The following ARHGAP28 variants were observed in gnomAD, a reference collection of about 807,000 sequenced individuals.
ARHGAP28 encodes the protein Rho GTPase activating protein 28, also known as rho GTPase-activating protein 28.
A neutral mutation model predicts 90.7 loss-of-function variants in ARHGAP28; 56 were observed. The observed-to-expected ratio is 0.62, with a 90% CI of 0.50 to 0.77. The LOEUF (loss-of-function observed/expected upper bound fraction) is 0.77, where lower values mean the gene tolerates loss of function less well. Ranked by LOEUF, ARHGAP28 falls within the 30% of genes least tolerant of loss-of-function variation. The pLI, the probability that ARHGAP28 is intolerant of heterozygous loss-of-function variation, is 0.00. For missense variants in ARHGAP28, 869 were observed against 900.9 expected (o/e 0.96, Z 0.45); for synonymous variants, 308 against 323.3 (o/e 0.95, Z 0.51).
At chr18:6,831,170 C>T (rs566014386) in intron 2 of ARHGAP28, among the ~76,000 whole-genome samples, 46 of 152,170 alleles carry the variant, frequency 3.0e-4, no homozygotes, top group African/African-American at 9.4e-4. Flanking sequence ...AATTACATTT[C>T]GCTGATGACT....
At chr18:6,771,236 A>G (rs577251938) in intron 1 of ARHGAP28, among the ~76,000 whole-genome samples, 1 of 152,042 alleles carries the variant, frequency 6.6e-6, no homozygotes, top group African/African-American at 2.4e-5. Flanking sequence ...TGAGTGGGGT[A>G]TCTCACTATG....
At chr18:6,825,365 TAGAG>T (rs1254485446) in intron 2 of ARHGAP28, among the ~76,000 whole-genome samples, 1 of 152,162 alleles carries the variant, frequency 6.6e-6, no homozygotes, top group Non-Finnish European at 1.5e-5. Flanking sequence ...TACTATTAAC[TAGAG>T]AGAGAGAAAT....
intron 1 of ARHGAP28, among the ~76,000 whole-genome samples, chr18:6,740,649 T>C (rs561241501): frequency 1.3e-5 from 2 of 152,320 alleles, no homozygotes; most frequent in Admixed American, 1.3e-4. Flanking sequence ...TTTCATTATA[T>C]GATAAATGGT....
chr18:6,779,162 G>A (rs2056305926), intron 1 of ARHGAP28: 1 of 152,088 alleles, frequency 6.6e-6, no homozygotes, highest in Non-Finnish European at 1.5e-5. Context: ...CCTTTTCATA[G>A]GCCATTATAC....
chr18:6,830,112 A>T (rs1356929955), intron 2 of ARHGAP28, among the ~76,000 whole-genome samples: 1 of 152,136 alleles, frequency 6.6e-6, no homozygotes, highest in African/African-American at 2.4e-5. Flanking sequence ...TGTTGGATTA[A>T]GGGCCCACCC....
chr18:6,881,494 A>G (rs1045824315), intron 10 of ARHGAP28, among the ~76,000 whole-genome samples: 1 of 152,242 alleles, frequency 6.6e-6, no homozygotes, highest in Non-Finnish European at 1.5e-5. Flanking sequence ...TTAGCCAAGT[A>G]GAACTTACGG....
intron 1 of ARHGAP28, among the ~76,000 whole-genome samples, chr18:6,797,183 A>C (rs143850784): frequency 4.2e-4 from 64 of 152,214 alleles, no homozygotes; most frequent in African/African-American, 1.5e-3. Flanking sequence ...ATTTGTGAAG[A>C]GGTGTGTTTT....
chr18:6,833,647 C>T (rs1043060644), intron 2 of ARHGAP28, among the ~76,000 whole-genome samples: 2 of 152,128 alleles, frequency 1.3e-5, no homozygotes, highest in South Asian at 2.1e-4. Flanking sequence ...CTTCTCATGG[C>T]ATCCTGTCAG....
At chr18:6,874,982 T>C (rs559203778) in intron 9 of ARHGAP28, 2 of 152,336 alleles carry the variant, frequency 1.3e-5, no homozygotes, top group South Asian at 4.1e-4. Context: ...AAAGGAGCAG[T>C]AGCAAAATCC....
intron 11 of ARHGAP28, among the ~76,000 whole-genome samples, chr18:6,884,543 G>T (rs1010507299): frequency 6.6e-6 from 1 of 152,186 alleles, no homozygotes; most frequent in Non-Finnish European, 1.5e-5. Flanking sequence ...TATGGATTCT[G>T]AAGTATTTCT....
intron 5 of ARHGAP28, among the ~76,000 whole-genome samples, chr18:6,865,690 C>G (rs566427131): frequency 1.2e-4 from 19 of 152,118 alleles, no homozygotes; most frequent in Non-Finnish European, 2.4e-4. Context: ...GGAGGACATA[C>G]CAGATAACTT....
At chr18:6,738,410 G>A (rs1376283118) in intron 1 of ARHGAP28, among the ~76,000 whole-genome samples, 1 of 151,664 alleles carries the variant, frequency 6.6e-6, no homozygotes, top group Non-Finnish European at 1.5e-5. Flanking sequence ...TAATGTACAG[G>A]GAAAAGAATC....
chr18:6,841,182 T>TCTCTCCTCTCTCTCTCTC, intron 3 of ARHGAP28, among the ~76,000 whole-genome samples: 1 of 44,234 alleles, frequency 2.3e-5, no homozygotes, highest in Non-Finnish European at 4.1e-5. Context: ...CTCTCTCTCC[T>TCTCTCCTCTCTCTCTCTC]CTCTCTCTCT....
At chr18:6,791,354 C>T (rs62082805) in intron 1 of ARHGAP28, 19,854 of 152,128 alleles carry the variant, frequency 0.13, 1,389 homozygotes, top group Non-Finnish European at 0.15. Context: ...CTTCCCCAGC[C>T]CACTGACTCA....
In ARHGAP28 at chr18:6,896,605, C is replaced by A. The variant is rs2057306671; in HGVS notation, c.2009C>A (p.Ala670Glu). ...NNQTKAKDIL[A>E]KFQYENSHGS... ...CAAACCAAAGCCAAAGACATATTGG[C>A]AAAATTTCAATATGAAAACAGGTGA... Residue 670 changes from alanine (A) to glutamate (E), a missense_variant, in exon 16 of 18, where the codon GCA becomes GAA. Coordinates refer to ENST00000383472, the MANE Select transcript of ARHGAP28 (RefSeq NM_001366230.1). 1 of 1,613,864 alleles carries A rather than the reference C, an allele frequency of 6.2e-7. No homozygotes were observed.
intron 15 of ARHGAP28, among the ~76,000 whole-genome samples, chr18:6,895,507 C>G (rs1275449655): frequency 1.3e-5 from 2 of 152,226 alleles, no homozygotes; most frequent in Admixed American, 6.5e-5. Context: ...GCAAGCTTGG[C>G]GCCTTCTGAA....
At chr18:6,793,601 T>A (rs986532926) in intron 1 of ARHGAP28, among the ~76,000 whole-genome samples, 11 of 152,296 alleles carry the variant, frequency 7.2e-5, no homozygotes, top group Middle Eastern at 3.4e-3. Context: ...CCCTTTTCCC[T>A]CCACCTTCAT....
chr18:6,884,937 CCTGA>C (rs952926863), intron 11 of ARHGAP28, among the ~76,000 whole-genome samples: 139 of 152,228 alleles, frequency 9.1e-4, no homozygotes, highest in African/African-American at 3.2e-3. Context: ...CAAATGATTC[CCTGA>C]CTGTCAGTTA....
At chr18:6,812,522 T>C (rs1464016317) in intron 1 of ARHGAP28, among the ~76,000 whole-genome samples, 3 of 152,124 alleles carry the variant, frequency 2.0e-5, no homozygotes, top group Middle Eastern at 3.2e-3. Flanking sequence ...AGGGAAACCT[T>C]CCTGATTTGG....
Sources: allele counts gnomAD v4.1 joint callset (sites outside exome capture counted in the v4.1 genomes callset), GRCh38; gene constraint gnomAD v4.1.1; transcripts MANE v1.5; gene names NCBI Gene and HGNC (gene_info 2026-07-23, HGNC 2026-07-21).